B4GALT6: variants seen among roughly 807,000 people sequenced by gnomAD.
B4GALT6 encodes the protein UDP-Gal:beta-GlcNAc beta-1,4-galactosyltransferase 6.
B4GALT6 carries 14 observed loss-of-function variants against 46.3 expected under a neutral mutation model. The observed-to-expected ratio is 0.30, with a 90% CI of 0.20 to 0.47. The LOEUF is 0.47. Among genes scored for constraint, B4GALT6 ranks in the 20% least tolerant of loss-of-function variants. B4GALT6 has a pLI of 0.99. For synonymous variants in B4GALT6, 168 were observed against 162.0 expected, an observed-to-expected ratio of 1.04 and a Z score of -0.28; for missense variants, 386 against 480.1, an observed-to-expected ratio of 0.80 and a Z score of 1.83.
chr18:31,708,658 G>A, the B4GALT6 span, among the ~76,000 whole-genome samples: 4 of 151,896 alleles, frequency 2.6e-5, no homozygotes, highest in African/African-American at 9.7e-5. Context: ...AGCTGGAAGG[G>A]GAAATTATAT....
At chr18:31,673,015 G>A (rs192099952) in intron 1 of B4GALT6, among the ~76,000 whole-genome samples, 1 of 152,330 alleles carries the variant, frequency 6.6e-6, no homozygotes, top group East Asian at 1.9e-4. Flanking sequence ...GATTAGCAAG[G>A]TCAAGGGAAG....
intron 2 of B4GALT6, among the ~76,000 whole-genome samples, chr18:31,661,255 T>C (rs866773407): frequency 1.3e-5 from 2 of 152,326 alleles, no homozygotes; most frequent in African/African-American, 2.4e-5. Context: ...GGGGTGAGAC[T>C]ATAATACTAA....
chr18:31,670,470 A>G (rs908073159), intron 1 of B4GALT6, among the ~76,000 whole-genome samples: 58 of 152,356 alleles, frequency 3.8e-4, no homozygotes, highest in African/African-American at 1.4e-3. Context: ...CAATTTCTCC[A>G]AATAGAAAAT....
chr18:31,708,159 T>C, the B4GALT6 span, among the ~76,000 whole-genome samples: 1 of 152,344 alleles, frequency 6.6e-6, no homozygotes, highest in African/African-American at 2.4e-5. Context: ...TGAGGCTCAT[T>C]CATATTTTTA....
the B4GALT6 span, among the ~76,000 whole-genome samples, chr18:31,717,808 G>T: frequency 6.6e-6 from 1 of 152,058 alleles, no homozygotes; most frequent in African/African-American, 2.4e-5. Flanking sequence ...CACAAAATTA[G>T]CCGAGCGTGG....
At chr18:31,639,655 A>T (rs189713022) in intron 4 of B4GALT6, among the ~76,000 whole-genome samples, 4 of 152,336 alleles carry the variant, frequency 2.6e-5, no homozygotes, top group South Asian at 4.1e-4. Flanking sequence ...CAGCACAGAC[A>T]TTTGTCTTTA....
intron 1 of B4GALT6, among the ~76,000 whole-genome samples, chr18:31,677,356 A>G (rs1421066700): frequency 2.0e-5 from 3 of 152,190 alleles, no homozygotes; most frequent in Non-Finnish European, 4.4e-5. Flanking sequence ...TTTTGCTAAA[A>G]CCAAAAACAA....
At position 31,684,405 on chromosome 18, in the gene B4GALT6, T is replaced by A; in HGVS notation, c.22A>T (p.Met8Leu). The change falls in exon 1 of 9, where the codon ATG (methionine) becomes TTG (leucine). Residue 8 changes from methionine (M) to leucine (L), a missense_variant. By Grantham distance (15) the Met-to-Leu change is conservative. This residue lies in a region of B4GALT6 where 63 missense variants were observed against 41.3 expected (regional missense o/e 1.53). Transcript: ENST00000306851. ...AGGAGAGAGCGATTGGAAACCCGCA[T>A]CATCCGCCTGAGCACAGACATCTTC... MSVLRRM[M>L]RVSNRSLLAF... 6.2e-7 allele frequency: 1 copy of A among 1,613,538 alleles called. No homozygotes were observed. The highest frequency in any genetic ancestry group is 8.5e-7 in the Non-Finnish European group (1 of 1,179,752).
At chr18:31,646,765 C>T (rs1411498447) in intron 3 of B4GALT6, among the ~76,000 whole-genome samples, 1 of 152,164 alleles carries the variant, frequency 6.6e-6, no homozygotes, top group Non-Finnish European at 1.5e-5. Flanking sequence ...TCTTCCTGTC[C>T]CCACTTCATC....
Position 31,652,563 on chromosome 18 carries a change from G to A in B4GALT6, c.346+5413C>T, listed in dbSNP as rs1028324491. Among the ~76,000 whole-genome samples the A allele has an allele frequency of 9.9e-5, 15 of 152,176 alleles. No individual in the cohort carries two copies. In the East Asian group the frequency reaches 1.4e-3, roughly 14 times the overall value. ...TCTCACTTCCTCTGATGTTCAGTCC[G>A]GATCTCTTACTAAAGGCAGACCCCA... is the stretch of plus-strand genomic sequence containing the variant. On this transcript the variant is annotated intron_variant, in intron 3 of 8. Coordinates refer to ENST00000306851, the MANE Select transcript of B4GALT6 (RefSeq NM_004775.5).
chr18:31,711,273 T>C, the B4GALT6 span, among the ~76,000 whole-genome samples: 4 of 152,320 alleles, frequency 2.6e-5, no homozygotes, highest in Admixed American at 1.3e-4. Context: ...AAATTTTTAT[T>C]TTAGGTTCAG....
intron 4 of B4GALT6, among the ~76,000 whole-genome samples, chr18:31,640,653 T>G (rs1243229922): frequency 1.3e-5 from 2 of 152,226 alleles, no homozygotes; most frequent in African/African-American, 4.8e-5. Context: ...CATTCCTTTT[T>G]GGTTTCCCCA....
intron 3 of B4GALT6, among the ~76,000 whole-genome samples, chr18:31,656,639 G>C (rs1027694110): frequency 1.3e-5 from 2 of 152,016 alleles, no homozygotes; most frequent in Non-Finnish European, 2.9e-5. Context: ...TATGGCCTCT[G>C]GGTAAGAAAA....
chr18:31,631,334 G>T (rs1422481798), intron 5 of B4GALT6, among the ~76,000 whole-genome samples, 188 bp from the exon 6 acceptor site: 1 of 151,800 alleles, frequency 6.6e-6, no homozygotes, highest in African/African-American at 2.4e-5. Flanking sequence ...TTGCAGGTGT[G>T]AGCCACCGCG....
intron 5 of B4GALT6, among the ~76,000 whole-genome samples, chr18:31,632,369 T>G (rs1181131729): frequency 6.6e-6 from 1 of 152,330 alleles, no homozygotes; most frequent in East Asian, 1.9e-4. Flanking sequence ...AAACTACTTT[T>G]AAGGTTTTAA....
chr18:31,670,750 G>A (rs554621188), intron 1 of B4GALT6, among the ~76,000 whole-genome samples: 6 of 152,146 alleles, frequency 3.9e-5, no homozygotes, highest in Non-Finnish European at 8.8e-5. Flanking sequence ...AGTATAAAAT[G>A]TAATGTCTTT....
At chr18:31,695,806 T>C in the B4GALT6 span, among the ~76,000 whole-genome samples, 7,864 of 152,304 alleles carry the variant, frequency 0.052, 286 homozygotes, top group African/African-American at 0.092. Flanking sequence ...GAGAAAACTT[T>C]CACAGGCAAC....
At chr18:31,697,537 T>C in the B4GALT6 span, among the ~76,000 whole-genome samples, 32 of 152,312 alleles carry the variant, frequency 2.1e-4, no homozygotes, top group Admixed American at 3.9e-4. Context: ...TTGTTACTTA[T>C]TGTTACTTGT....
intron 3 of B4GALT6, among the ~76,000 whole-genome samples, chr18:31,657,219 A>ATT (rs556398305): frequency 1.9e-4 from 29 of 151,486 alleles, no homozygotes; most frequent in African/African-American, 6.5e-4. Flanking sequence ...ATATATATAT[A>ATT]TTTTTTTTGC....
Sources: allele counts gnomAD v4.1 joint callset (sites outside exome capture counted in the v4.1 genomes callset), GRCh38; gene constraint gnomAD v4.1.1; regional missense constraint gnomAD v4.1.1; transcripts MANE v1.5; gene names NCBI Gene and HGNC (gene_info 2026-07-23, HGNC 2026-07-21).